The following ORC5 variants were observed in gnomAD, a reference collection of about 807,000 sequenced individuals.
ORC5 encodes the protein protein phosphatase 1, regulatory subunit 117.
Under a neutral mutation model 58.8 loss-of-function variants are expected in ORC5, and 39 were observed. The ratio of observed to expected loss-of-function variants is 0.66; its 90% CI spans 0.51 to 0.87. The LOEUF (loss-of-function observed/expected upper bound fraction) is 0.87, where lower values mean the gene tolerates loss of function less well. Ranked by LOEUF, ORC5 falls within the 40% of genes least tolerant of loss-of-function variation. The pLI, the probability that ORC5 is intolerant of heterozygous loss-of-function variation, is 0.00. For synonymous variants in ORC5, 218 were observed against 177.6 expected, an observed-to-expected ratio of 1.23 and a Z score of -1.81; for missense variants, 493 against 506.3, an observed-to-expected ratio of 0.97 and a Z score of 0.25.
chr7:104,140,946 A>C (rs1012176619), intron 12 of ORC5, among the ~76,000 whole-genome samples: 11 of 152,212 alleles, frequency 7.2e-5, no homozygotes, highest in African/African-American at 2.7e-4. Context: ...TCAAATTGTT[A>C]ATTTAACCAA....
At chr7:104,201,017 G>T (rs1359965587) in intron 2 of ORC5, 59 bp from the exon 3 acceptor site, 7 of 1,405,792 alleles carry the variant, frequency 5.0e-6, no homozygotes, top group African/African-American at 1.4e-5. Flanking sequence ...CACAATAATG[G>T]CTGTGCTGGA....
At chr7:104,204,974 C>T (rs567212683) in intron 1 of ORC5, among the ~76,000 whole-genome samples, 162 of 151,962 alleles carry the variant, frequency 1.1e-3, no homozygotes, top group African/African-American at 3.7e-3. Context: ...TGCTGAAAAC[C>T]ATGAGGTACT....
intron 4 of ORC5, among the ~76,000 whole-genome samples, chr7:104,195,861 T>C (rs951438171): frequency 1.3e-5 from 2 of 152,210 alleles, no homozygotes; most frequent in African/African-American, 2.4e-5. Flanking sequence ...AGAAGATATT[T>C]ATTGGGCAGA....
At chr7:104,202,520 A>T (rs1799969623) in intron 2 of ORC5, 1 of 456,626 alleles carries the variant, frequency 2.2e-6, no homozygotes, top group African/African-American at 2.0e-5. Context: ...TAAAGGCAGC[A>T]TATTCTAAGT....
chr7:104,127,057 A>T lies in ORC5; in HGVS notation c.1263-164T>A, dbSNP rs552036789. Among the ~76,000 whole-genome samples, 4 of 152,162 alleles carry T rather than the reference A, an allele frequency of 2.6e-5. No homozygotes were observed. The East Asian group carries it at 7.7e-4, about 29-fold the overall frequency. On this transcript the variant is annotated intron_variant, in intron 13 of 13. Coordinates refer to ENST00000297431, the MANE Select transcript of ORC5 (RefSeq NM_002553.4). ...ACTGACATTAATTCTTTAAAATGTTATTAGGAACACAATATTTTAATTTTT... is the reference window on the plus strand; with the variant it reads ...ACTGACATTAATTCTTTAAAATGTTTTTAGGAACACAATATTTTAATTTTT...
chr7:104,149,663 TA>T (rs1262954039), intron 12 of ORC5, among the ~76,000 whole-genome samples: 1 of 152,184 alleles, frequency 6.6e-6, no homozygotes, highest in Non-Finnish European at 1.5e-5. Context: ...CTCCTCAGTT[TA>T]AACAAATCCC....
At chr7:104,161,770 T>C (rs1244748462) in intron 11 of ORC5, among the ~76,000 whole-genome samples, 1 of 152,222 alleles carries the variant, frequency 6.6e-6, no homozygotes, top group African/African-American at 2.4e-5. Flanking sequence ...CTCACAGTCA[T>C]CCGGTCTAGT....
chr7:104,135,647 G>A (rs1798576404), intron 13 of ORC5, among the ~76,000 whole-genome samples: 1 of 152,170 alleles, frequency 6.6e-6, no homozygotes, highest in South Asian at 2.1e-4. Flanking sequence ...GAATTCAGAA[G>A]AGACTTCAGG....
chr7:104,191,483 C>T (rs1479911090), intron 5 of ORC5, among the ~76,000 whole-genome samples: 1 of 152,076 alleles, frequency 6.6e-6, no homozygotes, highest in Non-Finnish European at 1.5e-5. Flanking sequence ...CCTTGAACAT[C>T]TCCATCTAGG....
At chr7:104,192,866 A>T (rs1425675908) in intron 5 of ORC5, among the ~76,000 whole-genome samples, 1 of 143,902 alleles carries the variant, frequency 6.9e-6, no homozygotes, top group African/African-American at 2.6e-5. Context: ...GACACTTGTT[A>T]AAAAAAAAAA....
At chr7:104,201,067 C>T in intron 2 of ORC5, 109 bp from the exon 3 acceptor site, 1 of 828,052 alleles carries the variant, frequency 1.2e-6, no homozygotes, top group South Asian at 1.8e-5. Flanking sequence ...TCCCACCAAA[C>T]CCACCCCATG....
intron 12 of ORC5, among the ~76,000 whole-genome samples, chr7:104,149,281 G>T (rs194867): frequency 0.58 from 87,588 of 151,914 alleles, 27,706 homozygotes; most frequent in African/African-American, 0.83. Flanking sequence ...TCTTAATTAT[G>T]TAGGTAAATA....
At chr7:104,128,412 C>T (rs990998375) in intron 13 of ORC5, among the ~76,000 whole-genome samples, 13 of 152,094 alleles carry the variant, frequency 8.5e-5, no homozygotes, top group African/African-American at 2.9e-4. Flanking sequence ...CGTGAGCCAC[C>T]GCGCCCAGCC....
chr7:104,171,414 T>C (rs1205570759), intron 8 of ORC5, among the ~76,000 whole-genome samples: 1 of 152,230 alleles, frequency 6.6e-6, no homozygotes, highest in African/African-American at 2.4e-5. Context: ...ATTACTTAAT[T>C]CTAAAGTGCT....
intron 1 of ORC5, 79 bp downstream of exon 1, chr7:104,207,754 A>G (rs1328122336): frequency 7.0e-7 from 1 of 1,437,338 alleles, no homozygotes; most frequent in Non-Finnish European, 9.8e-7. Context: ...CCAAACACGA[A>G]AAAACAAATA....
intron 12 of ORC5, among the ~76,000 whole-genome samples, chr7:104,159,282 A>T (rs1798982946): frequency 7.6e-6 from 1 of 131,404 alleles, no homozygotes; most frequent in Non-Finnish European, 1.6e-5. Flanking sequence ...AACAATGAGA[A>T]CACATGGACA....
In ORC5 at chr7:104,168,463, C is replaced by A. The variant is rs1305387496; in HGVS notation, c.877+10G>T. 1.9e-6 allele frequency: 3 copies of A among 1,607,836 alleles called. No homozygotes were observed. Among genetic ancestry groups the A allele is most frequent in the African/African-American group, 1.3e-5 (1 of 74,718 alleles). ...ATCTCCGGTAACTGTCTCAATACTT[C>A]CTCTGATACCTTTCAGTTGCCCCGG... On this transcript the variant is annotated intron_variant, in intron 9 of 13. Coordinates refer to ENST00000297431, the MANE Select transcript of ORC5 (RefSeq NM_002553.4).
chr7:104,202,112 A>AG (rs397706707), intron 2 of ORC5, among the ~76,000 whole-genome samples: 1 of 151,770 alleles, frequency 6.6e-6, no homozygotes, highest in Admixed American at 6.6e-5. Flanking sequence ...AACAAAAAAA[A>AG]CTAGCCCTTC....
chr7:104,170,707 G>T (rs566318804), intron 8 of ORC5, among the ~76,000 whole-genome samples: 1 of 152,148 alleles, frequency 6.6e-6, no homozygotes, highest in African/African-American at 2.4e-5. Flanking sequence ...TTTCAGAATT[G>T]ATCATTCTGG....
Sources: gnomAD v4.1 joint callset for allele counts (sites outside exome capture counted in the v4.1 genomes callset) on GRCh38, gnomAD v4.1.1 for gene constraint, MANE v1.5 for transcripts, NCBI Gene and HGNC (gene_info 2026-07-23, HGNC 2026-07-21) for gene names.